The following LDB2 variants were observed in gnomAD, a reference collection of about 807,000 sequenced individuals.
LDB2 encodes the protein LIM domain binding 2.
Under a neutral mutation model 44.3 loss-of-function variants are expected in LDB2, and 12 were observed. That is an observed-to-expected ratio of 0.27 (90% confidence interval 0.17 to 0.44). LDB2 has a LOEUF of 0.44. Ranked by LOEUF, LDB2 falls within the 20% of genes least tolerant of loss-of-function variation. LDB2 has a pLI of 1.00. For missense variants in LDB2, 344 were observed against 473.5 expected, an observed-to-expected ratio of 0.73 and a Z score of 2.54; for synonymous variants, 164 against 174.8, an observed-to-expected ratio of 0.94 and a Z score of 0.49.
rs139781515 is a variant in LDB2 at position 16,750,412 on chromosome 4, C to A, written c.235+8746G>T. ...GGCACAGTCAACGGTAGAAGGCCTG[C>A]AATGCAGACTTTGGACTTAAATTCA... On this transcript the variant is annotated intron_variant, in intron 2 of 7. Coordinates refer to ENST00000304523, the MANE Select transcript of LDB2 (RefSeq NM_001290.5). Among the ~76,000 whole-genome samples the A allele has an allele frequency of 6.2e-4, 94 of 152,326 alleles. 1 individual carries two copies. The East Asian group carries it at 0.014, about 23-fold the overall frequency.
At chr4:16,850,193 G>A (rs542930243) in intron 1 of LDB2, among the ~76,000 whole-genome samples, 5 of 152,086 alleles carry the variant, frequency 3.3e-5, no homozygotes, top group South Asian at 2.1e-4. Context: ...TATGGGAGCC[G>A]CCAAAGAACT....
intron 1 of LDB2, among the ~76,000 whole-genome samples, chr4:16,780,625 A>G (rs1260141432): frequency 6.6e-6 from 1 of 152,112 alleles, no homozygotes; most frequent in Admixed American, 6.5e-5. Context: ...GTATTTGTGT[A>G]TCAGTGGAAA....
chr4:16,868,710 T>C (rs1231339785), intron 1 of LDB2, among the ~76,000 whole-genome samples: 2 of 152,346 alleles, frequency 1.3e-5, no homozygotes, highest in East Asian at 1.9e-4. Flanking sequence ...GTTATTCACA[T>C]AGGACACCAA....
intron 1 of LDB2, among the ~76,000 whole-genome samples, chr4:16,843,467 T>A (rs139391876): frequency 6.6e-6 from 1 of 152,198 alleles, no homozygotes; most frequent in Admixed American, 6.5e-5. Context: ...GATTCTTAAA[T>A]GTTAAATATT....
At chr4:16,534,915 G>C (rs116068351) in intron 5 of LDB2, among the ~76,000 whole-genome samples, 1 of 152,094 alleles carries the variant, frequency 6.6e-6, no homozygotes, top group South Asian at 2.1e-4. Context: ...CCATCCTAGT[G>C]TCCAGACCCA....
chr4:16,515,829 ATTATTTAT>A (rs138329564), intron 5 of LDB2, among the ~76,000 whole-genome samples: 11 of 150,094 alleles, frequency 7.3e-5, no homozygotes, highest in Admixed American at 2.6e-4. Context: ...CTAGGTATGG[ATTATTTAT>A]TTATTTATTT....
At chr4:16,853,814 T>C (rs1210836669) in intron 1 of LDB2, among the ~76,000 whole-genome samples, 2 of 152,170 alleles carry the variant, frequency 1.3e-5, no homozygotes, top group African/African-American at 4.8e-5. Context: ...AATGAGATCT[T>C]GCCATCTGCT....
At chr4:16,886,540 T>C (rs1027044516) in intron 1 of LDB2, among the ~76,000 whole-genome samples, 1 of 152,232 alleles carries the variant, frequency 6.6e-6, no homozygotes, top group African/African-American at 2.4e-5. Flanking sequence ...AAGACGATTT[T>C]CTTTACCTCC....
intron 2 of LDB2, among the ~76,000 whole-genome samples, chr4:16,701,256 T>C (rs1270810672): frequency 7.2e-5 from 11 of 152,204 alleles, no homozygotes. Flanking sequence ...CAGTGCTCAA[T>C]AGATAACCCT....
intron 2 of LDB2, among the ~76,000 whole-genome samples, chr4:16,668,807 C>G (rs1743995292): frequency 6.6e-6 from 1 of 152,208 alleles, no homozygotes; most frequent in South Asian, 2.1e-4. Flanking sequence ...GCTCTGTCTT[C>G]TTTGTTCCCT....
chr4:16,684,617 T>C (rs1399219358), intron 2 of LDB2, among the ~76,000 whole-genome samples: 1 of 152,260 alleles, frequency 6.6e-6, no homozygotes, highest in Non-Finnish European at 1.5e-5. Flanking sequence ...AACCTTGTTT[T>C]TAATTTGCTC....
chr4:16,606,202 G>T (rs536509115), intron 2 of LDB2, among the ~76,000 whole-genome samples: 9 of 151,926 alleles, frequency 5.9e-5, no homozygotes, highest in African/African-American at 1.9e-4. Context: ...TCAATAATAC[G>T]CTTTCAGCTT....
chr4:16,697,160 T>C (rs1157459273), intron 2 of LDB2, among the ~76,000 whole-genome samples: 2 of 151,840 alleles, frequency 1.3e-5, no homozygotes, highest in African/African-American at 4.8e-5. Context: ...AACGGTGGCT[T>C]ACACCTGTAA....
At chr4:16,804,971 T>C (rs1778504222) in intron 1 of LDB2, among the ~76,000 whole-genome samples, 1 of 151,990 alleles carries the variant, frequency 6.6e-6, no homozygotes, top group African/African-American at 2.4e-5. Flanking sequence ...CAGTGAGGGC[T>C]CTCTTCCTTG....
At chr4:16,883,948 A>T (rs1207783729) in intron 1 of LDB2, among the ~76,000 whole-genome samples, 5 of 152,072 alleles carry the variant, frequency 3.3e-5, no homozygotes, top group African/African-American at 1.2e-4. Flanking sequence ...TGCTTCAGAC[A>T]CACTAGGCTA....
chr4:16,665,276 T>TA (rs1402561564), intron 2 of LDB2, among the ~76,000 whole-genome samples: 1 of 148,384 alleles, frequency 6.7e-6, no homozygotes, highest in Non-Finnish European at 1.5e-5. Context: ...TTCTTTTTTT[T>TA]TTTTTTTGAG....
chr4:16,683,259 T>C (rs1185993086), intron 2 of LDB2, among the ~76,000 whole-genome samples: 3 of 152,224 alleles, frequency 2.0e-5, no homozygotes, highest in South Asian at 2.1e-4. Flanking sequence ...AGATGTCACA[T>C]AGGCGTACTT....
At chr4:16,809,959 A>G (rs1449584590) in intron 1 of LDB2, among the ~76,000 whole-genome samples, 6 of 152,214 alleles carry the variant, frequency 3.9e-5, no homozygotes, top group Non-Finnish European at 5.9e-5. Context: ...CATGTGGTCA[A>G]TGCAATCTTT....
intron 5 of LDB2, among the ~76,000 whole-genome samples, chr4:16,552,724 G>C (rs13134676): frequency 0.15 from 22,813 of 152,230 alleles, 1,893 homozygotes; most frequent in East Asian, 0.31. Flanking sequence ...GTAGGCTACT[G>C]TCAACAAATA....
Sources: gnomAD v4.1 joint callset for allele counts (sites outside exome capture counted in the v4.1 genomes callset) on GRCh38, gnomAD v4.1.1 for gene constraint, MANE v1.5 for transcripts, NCBI Gene and HGNC (gene_info 2026-07-23, HGNC 2026-07-21) for gene names.